Variants in CNTNAP2 observed in about 807,000 individuals in gnomAD.
CNTNAP2 encodes contactin associated protein 2, also known as contactin-associated protein-like 2.
CNTNAP2 carries 98 observed loss-of-function variants against 155.2 expected under a neutral mutation model. That is an observed-to-expected ratio of 0.63 (90% confidence interval 0.54 to 0.75). The LOEUF (loss-of-function observed/expected upper bound fraction) is 0.75, where lower values mean the gene tolerates loss of function less well. Among genes scored for constraint, CNTNAP2 ranks in the 30% least tolerant of loss-of-function variants. CNTNAP2 has a pLI of 0.00. For missense variants in CNTNAP2, 1,727 were observed against 1,688.1 expected, an observed-to-expected ratio of 1.02 and a Z score of -0.40; for synonymous variants, 651 against 631.2, an observed-to-expected ratio of 1.03 and a Z score of -0.47.
At chr7:148,358,157 T>G (rs558774342) in intron 21 of CNTNAP2, among the ~76,000 whole-genome samples, 5 of 151,708 alleles carry the variant, frequency 3.3e-5, no homozygotes, top group African/African-American at 9.7e-5. Context: ...GCTGAGGGAG[T>G]GTCTGAGGGA....
At chr7:147,687,666 C>A (rs1038909901) in intron 13 of CNTNAP2, among the ~76,000 whole-genome samples, 3 of 152,022 alleles carry the variant, frequency 2.0e-5, no homozygotes, top group Admixed American at 2.0e-4. Context: ...TATAGAGATT[C>A]TCCAACTGTA....
At chr7:147,253,541 C>A (rs1044138678) in intron 8 of CNTNAP2, among the ~76,000 whole-genome samples, 68 of 152,108 alleles carry the variant, frequency 4.5e-4, no homozygotes, top group African/African-American at 1.6e-3. Context: ...ACATTGGGAA[C>A]AGGAAACCAA....
chr7:148,115,348 C>T (rs1804445040), intron 15 of CNTNAP2, among the ~76,000 whole-genome samples: 1 of 152,204 alleles, frequency 6.6e-6, no homozygotes, highest in South Asian at 2.1e-4. Flanking sequence ...TCTGTTAATA[C>T]ATCACCACCT....
chr7:148,327,246 C>T (rs1030810765), intron 21 of CNTNAP2, among the ~76,000 whole-genome samples: 1 of 152,172 alleles, frequency 6.6e-6, no homozygotes, highest in East Asian at 1.9e-4. Context: ...ACGCCTGAGT[C>T]TATGTGCCAC....
intron 12 of CNTNAP2, among the ~76,000 whole-genome samples, chr7:147,595,171 G>A (rs1253209471): frequency 1.3e-5 from 2 of 152,108 alleles, no homozygotes; most frequent in Non-Finnish European, 2.9e-5. Flanking sequence ...AATAAAAAGA[G>A]CGTTGATGTC....
intron 1 of CNTNAP2, among the ~76,000 whole-genome samples, chr7:146,168,402 T>C (rs1413540530): frequency 1.3e-5 from 2 of 152,172 alleles, no homozygotes; most frequent in African/African-American, 4.8e-5. Flanking sequence ...TTATATCATA[T>C]TGGAAGTGTA....
At chr7:146,637,362 C>G (rs904773737) in intron 1 of CNTNAP2, among the ~76,000 whole-genome samples, 1 of 152,186 alleles carries the variant, frequency 6.6e-6, no homozygotes, top group African/African-American at 2.4e-5. Context: ...CATTGATTGA[C>G]AAGATATCTC....
At chr7:146,639,922 A>G (rs1482611870) in intron 1 of CNTNAP2, among the ~76,000 whole-genome samples, 1 of 152,220 alleles carries the variant, frequency 6.6e-6, no homozygotes, top group Non-Finnish European at 1.5e-5. Flanking sequence ...AGTAACTATT[A>G]TGAAATAGCC....
chr7:148,209,221 A>C (rs1204678789), intron 18 of CNTNAP2, among the ~76,000 whole-genome samples: 3 of 150,948 alleles, frequency 2.0e-5, no homozygotes, highest in Non-Finnish European at 2.9e-5. Flanking sequence ...GACCTCCTGC[A>C]CTCAAATGAT....
At chr7:146,479,590 TAC>T (rs1166036413) in intron 1 of CNTNAP2, among the ~76,000 whole-genome samples, 1 of 152,190 alleles carries the variant, frequency 6.6e-6, no homozygotes, top group Admixed American at 6.5e-5. Flanking sequence ...TGTCTAAACA[TAC>T]AGTGAACAAT....
At chr7:146,274,716 C>T (rs1359961222) in intron 1 of CNTNAP2, among the ~76,000 whole-genome samples, 1 of 152,092 alleles carries the variant, frequency 6.6e-6, no homozygotes, top group Admixed American at 6.6e-5. Context: ...GAGAAATGGG[C>T]AGTGCAGGAG....
intron 12 of CNTNAP2, among the ~76,000 whole-genome samples, chr7:147,564,852 A>G (rs1053506810): frequency 6.6e-6 from 1 of 151,336 alleles, no homozygotes; most frequent in Non-Finnish European, 1.5e-5. Context: ...TTTTTTTTCT[A>G]TTCATTCAAG....
intron 1 of CNTNAP2, among the ~76,000 whole-genome samples, chr7:146,731,528 C>T (rs953462107): frequency 6.6e-6 from 1 of 152,024 alleles, no homozygotes; most frequent in African/African-American, 2.4e-5. Context: ...AAGACCTGAG[C>T]AGCAGAGTGA....
At chr7:146,482,111 T>C (rs1037123573) in intron 1 of CNTNAP2, among the ~76,000 whole-genome samples, 11 of 144,402 alleles carry the variant, frequency 7.6e-5, no homozygotes, top group African/African-American at 2.8e-4. Flanking sequence ...AAAGCAACAG[T>C]CACAAGACTC....
At chr7:147,337,260 A>G (rs1237917137) in intron 9 of CNTNAP2, among the ~76,000 whole-genome samples, 3 of 152,090 alleles carry the variant, frequency 2.0e-5, no homozygotes, top group African/African-American at 7.2e-5. Context: ...CCAAGGGCAG[A>G]TGAAGTCTCA....
chr7:148,033,271 A>G (rs1186611727), intron 15 of CNTNAP2, among the ~76,000 whole-genome samples: 1 of 152,032 alleles, frequency 6.6e-6, no homozygotes, highest in African/African-American at 2.4e-5. Flanking sequence ...TAGAAGATGT[A>G]TCTCTTTCCT....
intron 15 of CNTNAP2, among the ~76,000 whole-genome samples, chr7:148,112,693 C>T (rs1049253454): frequency 1.2e-4 from 19 of 152,080 alleles, no homozygotes; most frequent in African/African-American, 4.3e-4. Flanking sequence ...CCATGCCAAG[C>T]TTGAATTTCA....
intron 1 of CNTNAP2, among the ~76,000 whole-genome samples, chr7:146,488,601 G>T (rs1223152832): frequency 6.6e-6 from 1 of 151,820 alleles, no homozygotes; most frequent in East Asian, 1.9e-4. Context: ...TCTTAAAACA[G>T]AAGTTTTGTT....
intron 18 of CNTNAP2, among the ~76,000 whole-genome samples, chr7:148,176,125 C>G (rs1373910364): frequency 1.3e-5 from 2 of 151,738 alleles, no homozygotes; most frequent in Non-Finnish European, 2.9e-5. Context: ...CACTGATACT[C>G]ACTATTCCGC....
Sources: allele counts gnomAD v4.1 joint callset (sites outside exome capture counted in the v4.1 genomes callset), GRCh38; gene constraint gnomAD v4.1.1; transcripts MANE v1.5; gene names NCBI Gene and HGNC (gene_info 2026-07-23, HGNC 2026-07-21).